Variants in EXOC4 observed in about 807,000 individuals in gnomAD.
EXOC4 encodes the protein SEC8-like 1.
Under a neutral mutation model 107.2 loss-of-function variants are expected in EXOC4, and 71 were observed. The ratio of observed to expected loss-of-function variants is 0.66; its 90% CI spans 0.55 to 0.81. The LOEUF is 0.81. Ranked by LOEUF, EXOC4 falls within the 30% of genes least tolerant of loss-of-function variation. The pLI, the probability that EXOC4 is intolerant of heterozygous loss-of-function variation, is 0.00. For missense variants in EXOC4, 1,108 were observed against 1,189.6 expected (o/e 0.93, Z 1.01); for synonymous variants, 456 against 441.2 (o/e 1.03, Z -0.42).
At chr7:134,043,168 G>T (rs2116538541) in intron 17 of EXOC4, among the ~76,000 whole-genome samples, 2 of 152,196 alleles carry the variant, frequency 1.3e-5, no homozygotes, top group East Asian at 3.9e-4. Flanking sequence ...GGAAACTGAG[G>T]TACAGTGGGA....
At chr7:133,775,716 C>T (rs1796331483) in intron 10 of EXOC4, among the ~76,000 whole-genome samples, 1 of 152,158 alleles carries the variant, frequency 6.6e-6, no homozygotes, top group African/African-American at 2.4e-5. Context: ...TCCTGTGGGG[C>T]ATCCGTAAGC....
At chr7:134,022,271 G>A (rs1410909594) in intron 17 of EXOC4, among the ~76,000 whole-genome samples, 2 of 152,100 alleles carry the variant, frequency 1.3e-5, no homozygotes, top group Non-Finnish European at 2.9e-5. Context: ...ATTTCTTGGT[G>A]CATAGTTCTC....
intron 5 of EXOC4, 33 bp downstream of exon 5, chr7:133,317,423 T>G (rs1795015416): frequency 7.3e-7 from 1 of 1,373,558 alleles, no homozygotes; most frequent in Non-Finnish European, 1.0e-6. Flanking sequence ...ACTAAGCTTT[T>G]TAGTATGTCT....
intron 5 of EXOC4, among the ~76,000 whole-genome samples, chr7:133,321,370 A>G (rs951389548): frequency 1.3e-5 from 2 of 151,962 alleles, no homozygotes; most frequent in Admixed American, 1.3e-4. Context: ...TGCTGCACCC[A>G]TAAACACATC....
At chr7:133,459,213 A>G (rs534938514) in intron 7 of EXOC4, among the ~76,000 whole-genome samples, 1 of 152,116 alleles carries the variant, frequency 6.6e-6, no homozygotes, top group Non-Finnish European at 1.5e-5. Flanking sequence ...GGCTTGCTTT[A>G]TGGTGTGAGC....
intron 6 of EXOC4, among the ~76,000 whole-genome samples, chr7:133,370,253 C>T (rs1259021814): frequency 8.6e-5 from 13 of 151,034 alleles, no homozygotes; most frequent in Admixed American, 4.0e-4. Flanking sequence ...CAGGTCCTTA[C>T]GAAATGTGCC....
chr7:133,839,006 T>C (rs1395113923), intron 11 of EXOC4, among the ~76,000 whole-genome samples: 3 of 152,242 alleles, frequency 2.0e-5, no homozygotes, highest in Non-Finnish European at 2.9e-5. Context: ...GGGATTGTTT[T>C]ATAATGGTGT....
chr7:133,658,639 G>T (rs1004777493), intron 10 of EXOC4, among the ~76,000 whole-genome samples: 2 of 152,182 alleles, frequency 1.3e-5, no homozygotes, highest in Non-Finnish European at 1.5e-5. Flanking sequence ...GATTTATTAT[G>T]ATAGTGAAGT....
intron 10 of EXOC4, among the ~76,000 whole-genome samples, chr7:133,794,570 C>A (rs1796774397): frequency 6.6e-6 from 1 of 152,296 alleles, no homozygotes; most frequent in African/African-American, 2.4e-5. Context: ...TTTCTCTTAG[C>A]ACCTAAGAGG....
chr7:134,048,774 A>G (rs1359779064), intron 17 of EXOC4, among the ~76,000 whole-genome samples: 1 of 152,156 alleles, frequency 6.6e-6, no homozygotes, highest in Non-Finnish European at 1.5e-5. Flanking sequence ...AGGTGCTGCC[A>G]TCCTTCTCTC....
intron 14 of EXOC4, among the ~76,000 whole-genome samples, chr7:133,948,892 C>G (rs544225715): frequency 2.0e-5 from 3 of 152,188 alleles, no homozygotes; most frequent in Admixed American, 6.5e-5. Context: ...TCACCTATTA[C>G]GAGTTACGAG....
At position 134,004,892 on chromosome 7, in the gene EXOC4, C is replaced by A. The variant is rs1204128780; in HGVS notation, c.2349-20C>A. ...GAAGGATTTATTATTAACTGCTCTC[C>A]CTATCTCTCTCTTTTTCAGGGTTCA... On this transcript the variant is annotated intron_variant, in intron 15 of 17. Transcript: ENST00000253861. 5 of 1,604,056 alleles carry A rather than the reference C, an allele frequency of 3.1e-6. No individual in the cohort carries two copies. In the South Asian group the frequency reaches 4.4e-5, roughly 14 times the overall value.
chr7:133,623,520 T>A (rs1802381775), intron 9 of EXOC4, among the ~76,000 whole-genome samples: 1 of 152,222 alleles, frequency 6.6e-6, no homozygotes, highest in African/African-American at 2.4e-5. Flanking sequence ...CGGGAGAAAC[T>A]ATCTTAGGCA....
chr7:133,451,892 A>G (rs916544523), intron 7 of EXOC4, among the ~76,000 whole-genome samples: 1 of 152,190 alleles, frequency 6.6e-6, no homozygotes, highest in Non-Finnish European at 1.5e-5. Flanking sequence ...ACACAGCTGT[A>G]TGTCAGGATA....
At chr7:133,717,209 T>C (rs1275546483) in intron 10 of EXOC4, among the ~76,000 whole-genome samples, 4 of 152,228 alleles carry the variant, frequency 2.6e-5, no homozygotes, top group Non-Finnish European at 1.5e-5. Flanking sequence ...ATCAGTGAAA[T>C]TGCCTTTTGT....
intron 6 of EXOC4, among the ~76,000 whole-genome samples, chr7:133,370,849 C>T (rs6973256): frequency 0.64 from 96,667 of 152,088 alleles, 32,289 homozygotes; most frequent in African/African-American, 0.83. Flanking sequence ...CTGTGCATTT[C>T]CTAATTCGAT....
At chr7:133,253,806 A>G (rs1404039792) in intron 1 of EXOC4, 1 of 152,216 alleles carries the variant, frequency 6.6e-6, no homozygotes, top group East Asian at 1.9e-4. Flanking sequence ...CCAATTTCAA[A>G]TTATCCTCCA....
intron 7 of EXOC4, among the ~76,000 whole-genome samples, chr7:133,453,658 T>C (rs939498681): frequency 1.3e-5 from 2 of 152,130 alleles, no homozygotes; most frequent in African/African-American, 4.8e-5. Flanking sequence ...TATAACTTTA[T>C]GTAAGTTTGC....
intron 10 of EXOC4, among the ~76,000 whole-genome samples, chr7:133,631,651 A>G (rs1802593787): frequency 6.6e-6 from 1 of 152,098 alleles, no homozygotes; most frequent in Non-Finnish European, 1.5e-5. Flanking sequence ...TAAGACTATT[A>G]AGAGGTTAAG....
Sources: gnomAD v4.1 joint callset for allele counts (sites outside exome capture counted in the v4.1 genomes callset) on GRCh38, gnomAD v4.1.1 for gene constraint, MANE v1.5 for transcripts, NCBI Gene and HGNC (gene_info 2026-07-23, HGNC 2026-07-21) for gene names.